Variants in PLAU observed in about 807,000 individuals in gnomAD.
The protein encoded by PLAU is urokinase-type plasminogen activator.
In PLAU, 32 loss-of-function variants were observed where a neutral mutation model predicts 48.9. The observed-to-expected ratio is 0.65, with a 90% CI of 0.49 to 0.88. The LOEUF (loss-of-function observed/expected upper bound fraction) is 0.88, where lower values mean the gene tolerates loss of function less well. PLAU is among the 40% of genes least tolerant of loss of function. The pLI, the probability that PLAU is intolerant of heterozygous loss-of-function variation, is 0.00. For synonymous variants in PLAU, 199 were observed against 205.7 expected, an observed-to-expected ratio of 0.97 and a Z score of 0.28; for missense variants, 455 against 545.2, an observed-to-expected ratio of 0.83 and a Z score of 1.65.
At position 73,911,573 on chromosome 10, in the gene PLAU, G is replaced by A; in HGVS notation, c.18G>A (p.Ala6=). 1.2e-6 allele frequency: 2 copies of A among 1,613,370 alleles called. No homozygotes were observed. Among genetic ancestry groups the A allele is most frequent in the Non-Finnish European group, 1.7e-6 (2 of 1,180,004 alleles). The part of the protein sequence containing the change: MRALL[A]RLLLCVLVVS... ...TCGCCACCATGAGAGCCCTGCTGGCGCGCCTGCTTCTCTGCGTCCTGGTCG... is the reference window on the plus strand; with the variant it reads ...TCGCCACCATGAGAGCCCTGCTGGCACGCCTGCTTCTCTGCGTCCTGGTCG... The change falls in exon 2 of 11, where the codon GCG becomes GCA. Residue 6 remains alanine (A), a synonymous_variant. Transcript: ENST00000372764.
At position 73,914,828 on chromosome 10, in the gene PLAU, T is replaced by C. The variant is rs2096132962; in HGVS notation, c.882T>C (p.Thr294=). The change falls in exon 9 of 11, where the codon ACT becomes ACC. Residue 294 remains threonine, a synonymous_variant. Transcript: ENST00000372764. The part of the protein sequence containing the change: ...KEGRCAQPSR[T]IQTICLPSMY... Reference sequence around the variant, plus strand: ...GCAGGTGTGCGCAGCCATCCCGGACTATACAGACCATCTGCCTGCCCTCGA... The same window carrying C: ...GCAGGTGTGCGCAGCCATCCCGGACCATACAGACCATCTGCCTGCCCTCGA... 1.2e-6 allele frequency: 2 copies of C among 1,614,036 alleles called. No individual in the cohort carries two copies. The highest frequency in any genetic ancestry group is 2.7e-5 in the African/African-American group (2 of 74,940).
Position 73,915,023 on chromosome 10 carries a change from G to C in PLAU, c.970+107G>C, listed in dbSNP as rs2096133490. The C allele has an allele frequency of 2.3e-6, 3 of 1,296,360 alleles. No homozygotes were observed. The South Asian group carries it at 4.0e-5, about 17-fold the overall frequency. The allele number at this position is 1,296,360 out of a possible 1,614,324, so 80.3% of individuals were successfully genotyped here. A position where few individuals can be genotyped will look rare whatever the true frequency, so the allele number is the denominator to read the frequency against. On this transcript the variant is annotated intron_variant, in intron 9 of 10. Transcript: ENST00000372764. ...CTGCAGAGTTAGAGGTGGGAGCACT[G>C]AGGCGGTGGCAGATGGGTCCAGGGA...
intron 1 of PLAU, 120 bp from the exon 2 acceptor site, chr10:73,911,405 A>C: frequency 1.9e-6 from 2 of 1,059,570 alleles, no homozygotes; most frequent in Middle Eastern, 2.9e-4. Flanking sequence ...CGGAGCCCAG[A>C]GAGGAGAGAG....
Position 73,914,111 on chromosome 10 carries a change from C to T in PLAU, c.812C>T (p.Ala271Val). Residue 271 changes from alanine (A) to valine (V), a missense_variant, in exon 8 of 11, where the codon GCT becomes GTT. Physicochemically the swap from Ala to Val is moderately conservative, Grantham distance 64. Transcript: ENST00000372764. ...AAGGACTACAGCGCTGACACGCTTG[C>T]TCACCACAACGACATTGGTGAGGGG... ...LHKDYSADTL[A>V]HHNDIALLKI... The T allele has an allele frequency of 6.2e-7, 1 of 1,614,174 alleles. No individual in the cohort carries two copies. The highest frequency in any genetic ancestry group is 8.5e-7 in the Non-Finnish European group (1 of 1,180,028).
In PLAU at chr10:73,916,402, G is replaced by A. The variant is rs1470563511; in HGVS notation, c.1133G>A (p.Gly378Glu). Residue 378 changes from glycine (G) to glutamate (E), a missense_variant, in exon 11 of 11, where the codon GGA becomes GAA. Transcript: ENST00000372764. ...KTDSCQGDSG[G>E]PLVCSLQGRM... is the part of the protein sequence containing the mutation. ...TTGGCGTCACAGGGAGACTCAGGGG[G>A]ACCCCTCGTCTGTTCCCTCCAAGGC... The A allele has an allele frequency of 6.2e-7, 1 of 1,612,962 alleles. No individual in the cohort carries two copies. The highest frequency in any genetic ancestry group is 8.5e-7 in the Non-Finnish European group (1 of 1,179,542).
At chr10:73,915,116 G>A (rs1003243497) in intron 9 of PLAU, 135 bp from the exon 10 acceptor site, 1 of 1,060,164 alleles carries the variant, frequency 9.4e-7, no homozygotes, top group Non-Finnish European at 1.4e-6. Flanking sequence ...GCTATAGGTG[G>A]AGTAAAGGCT....
At chr10:73,914,992 G>A (rs2096133449) in intron 9 of PLAU, 76 bp downstream of exon 9, 3 of 1,490,106 alleles carry the variant, frequency 2.0e-6, no homozygotes, top group Non-Finnish European at 2.8e-6. Context: ...CGTGATCAAG[G>A]GAAGACTGCA....
chr10:73,912,989 A>G lies in PLAU; in HGVS notation c.259A>G (p.Met87Val). 6.2e-7 allele frequency: 1 copy of G among 1,614,026 alleles called. No homozygotes were observed. The highest frequency in any genetic ancestry group is 1.1e-5 in the South Asian group (1 of 91,084). ...FYRGKASTDT[M>V]GRPCLPWNSA... Reference sequence around the variant, plus strand: ...CCGAGGAAAGGCCAGCACTGACACCATGGGCCGGCCCTGCCTGCCCTGGAA... The same window carrying G: ...CCGAGGAAAGGCCAGCACTGACACCGTGGGCCGGCCCTGCCTGCCCTGGAA... Residue 87 changes from methionine to valine, a missense_variant, in exon 5 of 11, where the codon ATG becomes GTG. Met to Val is a conservative substitution (Grantham distance 21). Transcript: ENST00000372764.
chr10:73,916,022 T>C (rs1402833080), intron 10 of PLAU, among the ~76,000 whole-genome samples: 1 of 152,072 alleles, frequency 6.6e-6, no homozygotes, highest in Non-Finnish European at 1.5e-5. Flanking sequence ...GATGGATCAC[T>C]TGAGGCCAGG....
chr10:73,915,170 A>G (rs1435394980), intron 9 of PLAU, 81 bp from the exon 10 acceptor site: 1 of 1,416,004 alleles, frequency 7.1e-7, no homozygotes, highest in Admixed American at 2.0e-5. Context: ...TGGTAGAGAT[A>G]CTTTATGGTT....
chr10:73,913,220 TC>T (rs2096128543), intron 5 of PLAU, 69 bp from the exon 6 acceptor site: 1 of 1,578,240 alleles, frequency 6.3e-7, no homozygotes, highest in Admixed American at 1.7e-5. Flanking sequence ...GGTTGAGTCT[TC>T]CCTGAGGGGA....
chr10:73,909,731 T>C (rs1251963635), upstream of PLAU, among the ~76,000 whole-genome samples: 1 of 152,190 alleles, frequency 6.6e-6, no homozygotes, highest in African/African-American at 2.4e-5. Flanking sequence ...AAGCCGCTAG[T>C]GGATTGCTGG....
At chr10:73,911,977 C>T in intron 2 of PLAU, 64 bp from the exon 3 acceptor site, 2 of 1,614,038 alleles carry the variant, frequency 1.2e-6, no homozygotes, top group South Asian at 1.1e-5. Flanking sequence ...GGCCAGTTTA[C>T]CCTCACCCTG....
chr10:73,914,745 C>G (rs750103383), intron 8 of PLAU, 31 bp from the exon 9 acceptor site: 2 of 1,605,834 alleles, frequency 1.2e-6, no homozygotes, highest in Middle Eastern at 1.7e-4. Flanking sequence ...CAGTAGTGAT[C>G]TTTCTCCTCT....
Position 73,912,915 on chromosome 10 carries a change from C to T in PLAU, c.194-9C>T, listed in dbSNP as rs774361576. 3 of 1,593,204 alleles carry T rather than the reference C, an allele frequency of 1.9e-6. No homozygotes were observed. Among genetic ancestry groups the T allele is most frequent in the East Asian group, 2.2e-5 (1 of 44,700 alleles). ...TCTCATATTCTCTCATCCTCCTGTC[C>T]CCTTGTAGATAAGTCAAAAACCTGC... On this transcript the variant is annotated splice_polypyrimidine_tract_variant and intron_variant, in intron 4 of 10. Coordinates refer to ENST00000372764, the MANE Select transcript of PLAU (RefSeq NM_002658.6).
intron 10 of PLAU, among the ~76,000 whole-genome samples, 185 bp from the exon 11 acceptor site, chr10:73,916,204 T>C (rs1337677180): frequency 6.6e-6 from 1 of 152,152 alleles, no homozygotes; most frequent in African/African-American, 2.4e-5. Context: ...GATCACGTCA[T>C]TGCACGCCAG....
Position 73,917,434 on chromosome 10 carries a change from A to AT in PLAU, c.*874dup, listed in dbSNP as rs1157243153. The AT allele has an allele frequency of 6.6e-6, 1 of 152,578 alleles. No homozygotes were observed. Among genetic ancestry groups the AT allele is most frequent in the African/African-American group, 2.4e-5 (1 of 41,410 alleles). 9.5% of individuals were successfully genotyped at this position (152,578 alleles called of 1,614,324 possible). ...GTACACTGAATATTTATATTTCACT[A>AT]TTTTTATTTATATTTTTGTAATTTT... On this transcript the variant is annotated 3_prime_UTR_variant, in exon 11 of 11. Transcript: ENST00000372764.
intron 4 of PLAU, 66 bp from the exon 5 acceptor site, chr10:73,912,858 A>AT (rs2096127411): frequency 2.1e-6 from 3 of 1,396,170 alleles, no homozygotes; most frequent in Admixed American, 2.2e-5. Context: ...TCAAAAAAAA[A>AT]AAATAAAAGT....
At position 73,913,699 on chromosome 10, in the gene PLAU, C is replaced by A. The variant is rs746197822; in HGVS notation, c.621C>A (p.Tyr207Ter). Residue 207 changes from tyrosine (Y) to a stop codon, truncating the protein, a stop_gained, in exon 7 of 11, where the codon TAC becomes TAA. Transcript: ENST00000372764. LOFTEE classifies it high-confidence loss of function. The stretch of plus-strand genomic sequence containing the variant: ...GGCACCGGGGGGGCTCTGTCACCTA[C>A]GTGTGTGGAGGCAGCCTCATCAGCC... ...YRRHRGGSVT[Y>*]VCGGSLISPC... The A allele has an allele frequency of 1.2e-6, 2 of 1,613,240 alleles. No individual in the cohort carries two copies. The highest frequency in any genetic ancestry group is 3.3e-5 in the Admixed American group (2 of 59,880).
Sources: allele counts gnomAD v4.1 joint callset (sites outside exome capture counted in the v4.1 genomes callset), GRCh38; gene constraint gnomAD v4.1.1; transcripts MANE v1.5; gene names NCBI Gene and HGNC (gene_info 2026-07-23, HGNC 2026-07-21).